LRRFIP1: variants seen among roughly 807,000 people sequenced by gnomAD.
The protein encoded by LRRFIP1 is leucine-rich repeat flightless-interacting protein 1.
Under a neutral mutation model 104.4 loss-of-function variants are expected in LRRFIP1, and 62 were observed. The observed-to-expected ratio is 0.59, with a 90% CI of 0.48 to 0.73. The LOEUF is 0.73. Ranked by LOEUF, LRRFIP1 falls within the 30% of genes least tolerant of loss-of-function variation. The probability of loss-of-function intolerance (pLI) is 0.00; values close to 1 mark genes in which losing one functional copy is unlikely to be tolerated. For missense variants in LRRFIP1, 796 were observed against 824.5 expected (o/e 0.97, Z 0.42); for synonymous variants, 300 against 299.0 (o/e 1.00, Z -0.03).
At chr2:237,641,467 A>C (rs2083961915) in intron 1 of LRRFIP1, among the ~76,000 whole-genome samples, 1 of 149,516 alleles carries the variant, frequency 6.7e-6, no homozygotes, top group Non-Finnish European at 1.5e-5. Flanking sequence ...ATTGCACTCC[A>C]GCCTGGGCAA....
rs1465061343 is a variant in LRRFIP1, at chr2:237,717,623, G to A, written c.202-139G>A. 6.7e-6 allele frequency: 5 copies of A among 750,728 alleles called. No individual in the cohort carries two copies. Among genetic ancestry groups the A allele is most frequent in the African/African-American group, 3.4e-5 (2 of 58,410 alleles). The allele number at this position is 750,728 out of a possible 1,614,324, so 46.5% of individuals were successfully genotyped here. On this transcript the variant is annotated intron_variant, in intron 3 of 23. Coordinates refer to ENST00000308482, the MANE Select transcript of LRRFIP1 (RefSeq NM_001137550.2). This position sits in a 1 kb window ranked among gnomAD's most constrained non-coding sequence, Gnocchi z 4.2. ...CTGTGGAGAAGCCAGGCCTGGTGCC[G>A]ACTGCTTTGCCTTGGCGTGTTACCT... is the stretch of plus-strand genomic sequence containing the variant.
chr2:237,727,947 A>G lies in LRRFIP1; in HGVS notation c.444+12A>G, dbSNP rs780664687. On this transcript the variant is annotated intron_variant, in intron 8 of 23. Coordinates refer to ENST00000308482, the MANE Select transcript of LRRFIP1 (RefSeq NM_001137550.2). Reference sequence around the variant, plus strand: ...GAAGATCTGGCAGGGTTAGTATAGTAAATTTGCATGGCTCAAAATTCAAAT... The same window carrying G: ...GAAGATCTGGCAGGGTTAGTATAGTGAATTTGCATGGCTCAAAATTCAAAT... 1 of 1,589,866 alleles carries G rather than the reference A, an allele frequency of 6.3e-7. No individual in the cohort carries two copies. Among genetic ancestry groups the G allele is most frequent in the Non-Finnish European group, 8.6e-7 (1 of 1,167,038 alleles).
At chr2:237,710,511 T>G (rs957827852) in intron 2 of LRRFIP1, among the ~76,000 whole-genome samples, 5 of 152,148 alleles carry the variant, frequency 3.3e-5, no homozygotes, top group African/African-American at 9.7e-5. Context: ...GGTCTCCAAC[T>G]CCTGACCTCG....
At chr2:237,779,139 G>A (rs923506791) in intron 23 of LRRFIP1, among the ~76,000 whole-genome samples, 1 of 151,860 alleles carries the variant, frequency 6.6e-6, no homozygotes, top group African/African-American at 2.4e-5. Flanking sequence ...GCTTGAACCC[G>A]TGAGGCGGAG....
At chr2:237,690,238 G>A (rs1456110046) in intron 1 of LRRFIP1, among the ~76,000 whole-genome samples, 7 of 152,134 alleles carry the variant, frequency 4.6e-5, no homozygotes, top group Non-Finnish European at 1.0e-4. Context: ...CACAGGGTTC[G>A]GGGTGTTGAG....
chr2:237,774,483 C>T lies in LRRFIP1; in HGVS notation c.1812+21C>T, dbSNP rs144558321. 2,401 of 1,506,018 alleles carry T rather than the reference C, an allele frequency of 1.6e-3. 37 individuals are homozygous for T. In the African/African-American group the frequency reaches 0.028, roughly 18 times the overall value. The allele number at this position is 1,506,018 out of a possible 1,614,324, so 93.3% of individuals were successfully genotyped here. A position where few individuals can be genotyped will look rare whatever the true frequency, so the allele number is the denominator to read the frequency against. ...GAGAGGTAAATTTCCTAGGCAATTT[C>T]TAGGAAGAGAATGGCTGCCAGTATT... On this transcript the variant is annotated intron_variant, in intron 23 of 23. Transcript: ENST00000308482.
rs1451054337 is a variant in LRRFIP1, at chr2:237,661,516, C to T, written c.96+33776C>T. Among the ~76,000 whole-genome samples the T allele has an allele frequency of 6.6e-6, 1 of 152,242 alleles. No individual in the cohort carries two copies. The highest frequency in any genetic ancestry group is 2.4e-5 in the African/African-American group (1 of 41,458). Reference sequence around the variant, plus strand: ...TGAGCAAATCCCTTTCCTTCCACCTCGCTCTCGGCCCCTGGTTCACCTTCT... The same window carrying T: ...TGAGCAAATCCCTTTCCTTCCACCTTGCTCTCGGCCCCTGGTTCACCTTCT... On this transcript the variant is annotated intron_variant, in intron 1 of 23. Transcript: ENST00000308482. The surrounding 1 kb of genome is among the most constrained non-coding windows in gnomAD (Gnocchi z 4.4).
chr2:237,703,122 A>G lies in LRRFIP1; in HGVS notation c.97-5422A>G, dbSNP rs2149931949. ...GCCATGCCAAGAAGCCGCTGTTCTA[A>G]TCTAATCAGTGGAGGATCCAGCAAG... On this transcript the variant is annotated intron_variant, in intron 1 of 23. Transcript: ENST00000308482. The surrounding 1 kb of genome is among the most constrained non-coding windows in gnomAD (Gnocchi z 4.3). Among the ~76,000 whole-genome samples, 1 of 152,282 alleles carries G rather than the reference A, an allele frequency of 6.6e-6. No individual in the cohort carries two copies. The highest frequency in any genetic ancestry group is 2.1e-4 in the South Asian group (1 of 4,818).
intron 1 of LRRFIP1, among the ~76,000 whole-genome samples, chr2:237,638,657 C>T (rs1183914802): frequency 5.9e-5 from 9 of 152,200 alleles, no homozygotes; most frequent in African/African-American, 2.2e-4. Flanking sequence ...ACTTGAAATG[C>T]GGTTAGTACA....
chr2:237,754,594 A>G (rs1464236579), intron 15 of LRRFIP1, among the ~76,000 whole-genome samples: 1 of 152,226 alleles, frequency 6.6e-6, no homozygotes, highest in Non-Finnish European at 1.5e-5. Context: ...TTAACTGGCT[A>G]TTATCCTCTA....
At chr2:237,779,319 T>C (rs1576478239) in intron 23 of LRRFIP1, 103 bp from the exon 24 acceptor site, 2 of 1,463,410 alleles carry the variant, frequency 1.4e-6, no homozygotes, top group Non-Finnish European at 9.1e-7. Flanking sequence ...GGCCAAGTTA[T>C]CATTTTATTT....
intron 13 of LRRFIP1, among the ~76,000 whole-genome samples, chr2:237,750,578 C>A (rs1445991460): frequency 6.6e-6 from 1 of 152,106 alleles, no homozygotes; most frequent in African/African-American, 2.4e-5. Context: ...CTCAGGTGAT[C>A]CACCCACTCG....
intron 1 of LRRFIP1, among the ~76,000 whole-genome samples, chr2:237,664,267 T>A (rs1190581232): frequency 6.6e-6 from 1 of 152,150 alleles, no homozygotes; most frequent in Admixed American, 6.5e-5. Flanking sequence ...GGAGATTGAG[T>A]TCTTGGCAAA....
At chr2:237,763,344 C>A (rs764557220) in intron 19 of LRRFIP1, 1 of 1,613,950 alleles carries the variant, frequency 6.2e-7, no homozygotes, top group South Asian at 1.1e-5. Flanking sequence ...CAAAATGAAC[C>A]CTTAGATATG....
intron 1 of LRRFIP1, among the ~76,000 whole-genome samples, chr2:237,640,942 C>T (rs1424501627): frequency 6.6e-6 from 1 of 152,176 alleles, no homozygotes; most frequent in African/African-American, 2.4e-5. Context: ...AGGAAGGGAC[C>T]ATTAACCATG....
chr2:237,646,545 G>A (rs1371550270), intron 1 of LRRFIP1, among the ~76,000 whole-genome samples: 1 of 151,916 alleles, frequency 6.6e-6, no homozygotes, highest in Non-Finnish European at 1.5e-5. Flanking sequence ...GCCCCCACAA[G>A]CCCGCATTCG....
intron 8 of LRRFIP1, among the ~76,000 whole-genome samples, chr2:237,732,758 A>C (rs1233321370): frequency 2.6e-5 from 4 of 152,080 alleles, no homozygotes; most frequent in Non-Finnish European, 4.4e-5. Context: ...GTTTTTTTAA[A>C]AATATTTTTT....
chr2:237,701,666 C>G (rs1180003017), intron 1 of LRRFIP1, among the ~76,000 whole-genome samples: 1 of 151,446 alleles, frequency 6.6e-6, no homozygotes, highest in East Asian at 1.9e-4. Flanking sequence ...CATGGGGAGC[C>G]CTGGAAGAAC....
At position 237,780,513 on chromosome 2, in the gene LRRFIP1, G is replaced by A. The variant is rs2061409981; in HGVS notation, c.*981G>A. Among the ~76,000 whole-genome samples, 1 of 152,220 alleles carries A rather than the reference G, an allele frequency of 6.6e-6. No individual in the cohort carries two copies. Among genetic ancestry groups the A allele is most frequent in the Non-Finnish European group, 1.5e-5 (1 of 68,040 alleles). On this transcript the variant is annotated 3_prime_UTR_variant, in exon 24 of 24. Transcript: ENST00000308482. ...AAGTGAAGGAGGAGGTAACAGTAGA[G>A]ACGATGGCAATATCATCAAGGACAA...
Sources: allele counts gnomAD v4.1 joint callset (sites outside exome capture counted in the v4.1 genomes callset), GRCh38; gene constraint gnomAD v4.1.1; non-coding constraint Gnocchi (gnomAD v3.1); transcripts MANE v1.5; gene names NCBI Gene and HGNC (gene_info 2026-07-23, HGNC 2026-07-21).